CUX2: variants seen among roughly 807,000 people sequenced by gnomAD.
CUX2 encodes the protein homeobox protein cut-like 2.
Under a neutral mutation model 144.8 loss-of-function variants are expected in CUX2, and 40 were observed. The observed-to-expected ratio is 0.28, with a 90% CI of 0.21 to 0.36. The LOEUF is 0.36. Ranked by LOEUF, CUX2 falls within the 10% of genes least tolerant of loss-of-function variation. CUX2 has a pLI of 1.00. For synonymous variants in CUX2, 827 were observed against 875.6 expected (o/e 0.94, Z 0.98); for missense variants, 1,615 against 1,994.0 (o/e 0.81, Z 3.62).
rs1555217584 is a variant in CUX2, at chr12:111,330,710, T to TATACATATAC, written c.2927-3728_2927-3727insCATATACATA. On this transcript the variant is annotated intron_variant, in intron 18 of 21. Transcript: ENST00000261726. Reference sequence around the variant, plus strand: ...ACATATATATATATATATATATATATATATATATATATATATATATATATA... The same window carrying TATACATATAC: ...ACATATATATATATATATATATATATATACATATACATATATATATATATATATATATATA... 4.6e-4 allele frequency among the ~76,000 whole-genome samples: 11 copies of TATACATATAC among 23,836 alleles called. 2 individuals carry two copies. The highest frequency in any genetic ancestry group is 2.9e-3 in the Admixed American group (7 of 2,440). The allele number at this position is 23,836 out of a possible 152,430, so 15.6% of individuals were successfully genotyped here.
At chr12:111,181,005 A>G (rs187741618) in intron 1 of CUX2, among the ~76,000 whole-genome samples, 9 of 152,372 alleles carry the variant, frequency 5.9e-5, no homozygotes, top group African/African-American at 2.2e-4. Flanking sequence ...GGGTCCCAGG[A>G]TGGCATTTAT....
At chr12:111,086,625 G>C (rs1187896972) in intron 1 of CUX2, among the ~76,000 whole-genome samples, 1 of 152,162 alleles carries the variant, frequency 6.6e-6, no homozygotes, top group Non-Finnish European at 1.5e-5. Context: ...CTCTGTCTCC[G>C]AGGGTTTAAA....
intron 10 of CUX2, among the ~76,000 whole-genome samples, chr12:111,306,604 T>C (rs1255975180): frequency 1.3e-5 from 2 of 152,226 alleles, no homozygotes; most frequent in Non-Finnish European, 2.9e-5. Flanking sequence ...GAGCCAGACC[T>C]GAGAAAGAAA....
chr12:111,038,596 G>C (rs2135999768), intron 1 of CUX2, among the ~76,000 whole-genome samples: 1 of 152,358 alleles, frequency 6.6e-6, no homozygotes, highest in Non-Finnish European at 1.5e-5. Context: ...CTTTTCTGCA[G>C]AAAGAGCTAG....
Position 111,039,199 on chromosome 12 carries a change from C to A in CUX2, c.63+4959C>A, listed in dbSNP as rs1014575665. Among the ~76,000 whole-genome samples the A allele has an allele frequency of 3.9e-5, 6 of 152,244 alleles. No homozygotes were observed. Among genetic ancestry groups the A allele is most frequent in the African/African-American group, 1.4e-4 (6 of 41,526 alleles). On this transcript the variant is annotated intron_variant, in intron 1 of 21. Transcript: ENST00000261726. This position sits in a 1 kb window ranked among gnomAD's most constrained non-coding sequence, Gnocchi z 4.2. ...TATCTAATTCAAAGGCCGGGCCTGG[C>A]AGAGGTGAAGCATTGGAAGGGGACT...
intron 1 of CUX2, chr12:111,099,466 C>T (rs1429533105): frequency 1.4e-5 from 6 of 432,128 alleles, no homozygotes; most frequent in African/African-American, 1.2e-4. Context: ...CAGGTTGGGT[C>T]ACTGCTGGGA....
chr12:111,335,009 C>T (rs1320602502), intron 19 of CUX2, among the ~76,000 whole-genome samples: 5 of 152,286 alleles, frequency 3.3e-5, no homozygotes, highest in Admixed American at 2.0e-4. Context: ...GCAGGAGAAT[C>T]GCGTGAGCCC....
At chr12:111,115,760 A>G (rs188287833) in intron 1 of CUX2, among the ~76,000 whole-genome samples, 2 of 152,112 alleles carry the variant, frequency 1.3e-5, no homozygotes, top group Admixed American at 1.3e-4. Context: ...TTCTTCTTGG[A>G]ACTAATCACA....
intron 3 of CUX2, among the ~76,000 whole-genome samples, chr12:111,258,357 AT>A (rs1883939524): frequency 6.6e-6 from 1 of 152,156 alleles, no homozygotes; most frequent in Non-Finnish European, 1.5e-5. Flanking sequence ...TACTAAAAGT[AT>A]AAAAATTAGC....
At chr12:111,324,117 A>G (rs924575777) in intron 18 of CUX2, among the ~76,000 whole-genome samples, 1 of 152,012 alleles carries the variant, frequency 6.6e-6, no homozygotes, top group Non-Finnish European at 1.5e-5. Context: ...TTGGGAGGCC[A>G]AGGCGGGCGG....
chr12:111,055,021 G>A (rs1870453168), intron 1 of CUX2, among the ~76,000 whole-genome samples: 1 of 152,238 alleles, frequency 6.6e-6, no homozygotes, highest in African/African-American at 2.4e-5. Flanking sequence ...GAGCCAGGCA[G>A]TCTGACTCCA....
In CUX2 at chr12:111,349,878, G is replaced by C. The variant is rs536340699; in HGVS notation, c.*1553G>C. 2 of 152,220 alleles carry C rather than the reference G, an allele frequency of 1.3e-5. No individual in the cohort carries two copies. The highest frequency in any genetic ancestry group is 4.1e-4 in the South Asian group (2 of 4,834). 9.4% of individuals were successfully genotyped at this position (152,220 alleles called of 1,614,324 possible). On this transcript the variant is annotated 3_prime_UTR_variant, in exon 22 of 22. Transcript: ENST00000261726. ...TGTAATGCCAGCGGGTGAGATGGCC[G>C]ATGGAGGTTTCAAAGATGTAGCTAG... is the stretch of plus-strand genomic sequence containing the variant.
At chr12:111,154,829 G>C (rs996202888) in intron 1 of CUX2, among the ~76,000 whole-genome samples, 9 of 152,294 alleles carry the variant, frequency 5.9e-5, no homozygotes, top group African/African-American at 1.9e-4. Flanking sequence ...AAGCCAGAAT[G>C]GGTGGGATGT....
At chr12:111,185,418 C>T (rs1319677151) in intron 1 of CUX2, among the ~76,000 whole-genome samples, 1 of 152,228 alleles carries the variant, frequency 6.6e-6, no homozygotes. Context: ...CTATGCCTCA[C>T]TTTTGCCATC....
chr12:111,049,086 A>G (rs1478734779), intron 1 of CUX2, among the ~76,000 whole-genome samples: 2 of 151,984 alleles, frequency 1.3e-5, no homozygotes, highest in Non-Finnish European at 2.9e-5. Context: ...GATCTTAACT[A>G]TCCATCCATC....
intron 1 of CUX2, among the ~76,000 whole-genome samples, chr12:111,123,567 ACT>A (rs1874834264): frequency 1.3e-5 from 2 of 151,896 alleles, no homozygotes; most frequent in African/African-American, 4.8e-5. Context: ...ACAGGGTCTC[ACT>A]GTATTGCCCA....
At chr12:111,091,881 C>T (rs1872577702) in intron 1 of CUX2, among the ~76,000 whole-genome samples, 1 of 152,160 alleles carries the variant, frequency 6.6e-6, no homozygotes, top group South Asian at 2.1e-4. Flanking sequence ...GCACCTGTCT[C>T]TTCTTATAAG....
At chr12:111,285,145 T>C (rs1351701534) in intron 4 of CUX2, among the ~76,000 whole-genome samples, 1 of 152,154 alleles carries the variant, frequency 6.6e-6, no homozygotes, top group African/African-American at 2.4e-5. Flanking sequence ...GTATCTTAGG[T>C]CTCCTTTGGC....
At chr12:111,209,827 T>C (rs936010938) in intron 1 of CUX2, among the ~76,000 whole-genome samples, 1 of 152,228 alleles carries the variant, frequency 6.6e-6, no homozygotes, top group Non-Finnish European at 1.5e-5. Context: ...CTCTGCACAT[T>C]GGCCCGAGCC....
Sources: gnomAD v4.1 joint callset for allele counts (sites outside exome capture counted in the v4.1 genomes callset) on GRCh38, gnomAD v4.1.1 for gene constraint, Gnocchi (gnomAD v3.1) non-coding constraint, MANE v1.5 for transcripts, NCBI Gene and HGNC (gene_info 2026-07-23, HGNC 2026-07-21) for gene names.